QSER1: variants seen among roughly 807,000 people sequenced by gnomAD.
The protein encoded by QSER1 is glutamine and serine-rich protein 1.
In QSER1, 49 loss-of-function variants were observed where a neutral mutation model predicts 158.5. That is an observed-to-expected ratio of 0.31 (90% confidence interval 0.25 to 0.39). The LOEUF (loss-of-function observed/expected upper bound fraction) is 0.39. Ranked by LOEUF, QSER1 falls within the 10% of genes least tolerant of loss-of-function variation. QSER1 has a pLI of 1.00. For missense variants in QSER1, 1,754 were observed against 2,010.3 expected (o/e 0.87, Z 2.44); for synonymous variants, 650 against 715.5 (o/e 0.91, Z 1.46).
At chr11:32,969,758 C>G (rs926342195) in intron 10 of QSER1, among the ~76,000 whole-genome samples, 1 of 149,470 alleles carries the variant, frequency 6.7e-6, no homozygotes, top group Non-Finnish European at 1.5e-5. Context: ...AACCTTGGCT[C>G]GCTGCAACCT....
chr11:32,943,373 T>C (rs1187090631), intron 4 of QSER1, among the ~76,000 whole-genome samples: 1 of 151,050 alleles, frequency 6.6e-6, no homozygotes, highest in Non-Finnish European at 1.5e-5. Flanking sequence ...TGTGGGTTTG[T>C]CATAGATAGC....
intron 4 of QSER1, among the ~76,000 whole-genome samples, chr11:32,943,697 T>G: frequency 6.6e-6 from 1 of 151,620 alleles, no homozygotes; most frequent in Non-Finnish European, 1.5e-5. Flanking sequence ...AAAATTCTCT[T>G]TTTTGGTTGT....
chr11:32,897,232 A>T (rs962473436), intron 1 of QSER1, among the ~76,000 whole-genome samples: 3 of 152,226 alleles, frequency 2.0e-5, no homozygotes, highest in African/African-American at 7.2e-5. Flanking sequence ...AGAGACATGA[A>T]GTAATTTATA....
chr11:32,954,110 C>A lies in QSER1; in HGVS notation c.4431C>A (p.Ser1477Arg), dbSNP rs768813472. 3.1e-6 allele frequency: 5 copies of A among 1,613,956 alleles called. No homozygotes were observed. The highest frequency in any genetic ancestry group is 4.2e-6 in the Non-Finnish European group (5 of 1,180,008). The change falls in exon 5 of 13, where the codon AGC becomes AGA. Residue 1477 changes from serine (S) to arginine (R), a missense_variant. Physicochemically the swap from Ser to Arg is moderately radical, Grantham distance 110 (BLOSUM62 -1). Transcript: ENST00000650167. ...TTACAGATGAGGAGGACACAGAAAGCGGAGGAGAAGGCCAATACAGAGAGC... is the reference window on the plus strand; with the variant it reads ...TTACAGATGAGGAGGACACAGAAAGAGGAGGAGAAGGCCAATACAGAGAGC... ...EGFTDEEDTE[S>R]GGEGQYRERD...
chr11:32,966,844 A>G (rs1852758384), intron 9 of QSER1, among the ~76,000 whole-genome samples: 1 of 152,240 alleles, frequency 6.6e-6, no homozygotes, highest in African/African-American at 2.4e-5. Context: ...AAGATACATC[A>G]TAGCAATTAT....
At chr11:32,910,264 T>G (rs1851749736) in intron 1 of QSER1, among the ~76,000 whole-genome samples, 1 of 152,216 alleles carries the variant, frequency 6.6e-6, no homozygotes, top group Non-Finnish European at 1.5e-5. Flanking sequence ...TCTCTATATT[T>G]AGACTTTTTT....
intron 1 of QSER1, among the ~76,000 whole-genome samples, chr11:32,926,388 T>A (rs1851970950): frequency 6.6e-6 from 1 of 152,200 alleles, no homozygotes. Flanking sequence ...TCCTTATTCC[T>A]ATGAGATGCA....
chr11:32,955,146 C>A, intron 5 of QSER1, 150 bp from the exon 6 acceptor site: 1 of 573,664 alleles, frequency 1.7e-6, no homozygotes, highest in Non-Finnish European at 3.1e-6. Context: ...ACCTAACCAG[C>A]TTATAAGAAT....
In QSER1 at chr11:32,969,138, T is replaced by G. The variant is rs375889118; in HGVS notation, c.5200T>G (p.Phe1734Val). Residue 1734 changes from phenylalanine (F) to valine (V), a missense_variant, in exon 10 of 13, where the codon TTC becomes GTC. Physicochemically the swap from Phe to Val is conservative, Grantham distance 50. Around this residue, in one of 2 missense-constraint regions of QSER1, gnomAD observed 1,707 missense variants for 1,919.6 expected, o/e 0.89. Transcript: ENST00000650167. ...LLLNLHLDQS[F>V]KNALESFPEL... ...TTTGAATCTTCATTTGGATCAATCA[T>G]TCAAGGTATTTCCTTCTGATGACTT... 46 of 1,566,748 alleles carry G rather than the reference T, an allele frequency of 2.9e-5. No individual in the cohort carries two copies. The highest frequency in any genetic ancestry group is 3.6e-5 in the Non-Finnish European group (41 of 1,146,282).
At chr11:32,907,750 A>G (rs1851712694) in intron 1 of QSER1, among the ~76,000 whole-genome samples, 1 of 152,186 alleles carries the variant, frequency 6.6e-6, no homozygotes, top group Non-Finnish European at 1.5e-5. Context: ...ATTTACAGGT[A>G]GTTAGTACAT....
At chr11:32,965,986 C>CACACACACACACAT (rs3060620) in intron 8 of QSER1, among the ~76,000 whole-genome samples, 1 of 149,610 alleles carries the variant, frequency 6.7e-6, no homozygotes, top group African/African-American at 2.5e-5. Context: ...CACACACACA[C>CACACACACACACAT]GAATCACCTA....
At chr11:32,894,363 A>G (rs533566132) in intron 1 of QSER1, among the ~76,000 whole-genome samples, 1 of 152,336 alleles carries the variant, frequency 6.6e-6, no homozygotes, top group East Asian at 1.9e-4. Context: ...CTCCCGAACA[A>G]TACAGAATCT....
intron 4 of QSER1, among the ~76,000 whole-genome samples, chr11:32,948,419 C>T (rs1852370432): frequency 6.6e-6 from 1 of 152,140 alleles, no homozygotes; most frequent in Admixed American, 6.6e-5. Flanking sequence ...TCTCTAAAGA[C>T]TATACTTTTT....
chr11:32,971,575 A>T (rs1467478718), intron 10 of QSER1, among the ~76,000 whole-genome samples: 1 of 152,202 alleles, frequency 6.6e-6, no homozygotes, highest in Non-Finnish European at 1.5e-5. Flanking sequence ...AAAATTGTCA[A>T]GGTGCATGTT....
chr11:32,934,996 C>T lies in QSER1; in HGVS notation c.3738C>T (p.Ser1246=). ...TDIYLPYTPP[S]SESCHDGYQH... Reference sequence around the variant, plus strand: ...TTTACTTACCGTATACTCCTCCTTCCTCAGAAAGCTGCCATGATGGTTATC... The same window carrying T: ...TTTACTTACCGTATACTCCTCCTTCTTCAGAAAGCTGCCATGATGGTTATC... The change falls in exon 4 of 13, where the codon TCC becomes TCT. Residue 1246 remains serine (S), a synonymous_variant. Coordinates refer to ENST00000650167, the MANE Select transcript of QSER1 (RefSeq NM_001076786.3). 1.2e-6 allele frequency: 2 copies of T among 1,614,114 alleles called. No homozygotes were observed. Among genetic ancestry groups the T allele is most frequent in the Non-Finnish European group, 1.7e-6 (2 of 1,180,004 alleles).
chr11:32,934,829 G>A lies in QSER1; in HGVS notation c.3571G>A (p.Glu1191Lys). ...TGCAGTCAGTGTCAAGATTGAAGAAGAAAACCAAGATTTAATGCATTTTAA... is the reference window on the plus strand; with the variant it reads ...TGCAGTCAGTGTCAAGATTGAAGAAAAAAACCAAGATTTAATGCATTTTAA... ...GDAVSVKIEEENQDLMHFNLQ... is the reference protein window; with the variant it reads ...GDAVSVKIEEKNQDLMHFNLQ... The change falls in exon 4 of 13, where the codon GAA (glutamate) becomes AAA (lysine). Residue 1191 changes from glutamate (E) to lysine (K), a missense_variant. Transcript: ENST00000650167. 2 of 1,613,980 alleles carry A rather than the reference G, an allele frequency of 1.2e-6. No homozygotes were observed. The highest frequency in any genetic ancestry group is 1.7e-6 in the Non-Finnish European group (2 of 1,179,968).
intron 4 of QSER1, 26 bp from the exon 5 acceptor site, chr11:32,953,831 T>C: frequency 6.3e-7 from 1 of 1,580,236 alleles, no homozygotes; most frequent in Non-Finnish European, 8.6e-7. Flanking sequence ...GTAATACTGA[T>C]TTGCATTTGC....
chr11:32,934,576 C>A lies in QSER1; in HGVS notation c.3318C>A (p.Phe1106Leu). The A allele has an allele frequency of 6.2e-7, 1 of 1,613,446 alleles. No individual in the cohort carries two copies. The highest frequency in any genetic ancestry group is 1.1e-5 in the South Asian group (1 of 91,054). Reference protein sequence around the residue: ...HEVQEQSSGPFKKQSATNLES... With the variant: ...HEVQEQSSGPLKKQSATNLES... ...TCCAGGAGCAAAGTTCTGGCCCATT[C>A]AAGAAACAGTCTGCTACCAATCTTG... The change falls in exon 4 of 13, where the codon TTC (phenylalanine) becomes TTA (leucine). Residue 1106 changes from phenylalanine to leucine, a missense_variant. By Grantham distance (22) the Phe-to-Leu change is conservative. Transcript: ENST00000650167.
intron 1 of QSER1, among the ~76,000 whole-genome samples, chr11:32,895,014 T>TA (rs1851537164): frequency 6.6e-6 from 1 of 152,212 alleles, no homozygotes; most frequent in African/African-American, 2.4e-5. Context: ...AAATGAAAAA[T>TA]ATTTATTAGG....
Sources: gnomAD v4.1 joint callset for allele counts (sites outside exome capture counted in the v4.1 genomes callset) on GRCh38, gnomAD v4.1.1 for gene constraint, gnomAD v4.1.1 regional missense constraint, MANE v1.5 for transcripts, NCBI Gene and HGNC (gene_info 2026-07-23, HGNC 2026-07-21) for gene names.